Variants in PTPRD observed in about 807,000 individuals in gnomAD.
PTPRD encodes protein tyrosine phosphatase receptor type D, also known as receptor-type tyrosine-protein phosphatase delta.
In PTPRD, 34 loss-of-function variants were observed where a neutral mutation model predicts 214.5. That is an observed-to-expected ratio of 0.16 (90% CI 0.12 to 0.21). The LOEUF (loss-of-function observed/expected upper bound fraction) is 0.21. Among genes scored for constraint, PTPRD ranks in the 10% least tolerant of loss-of-function variants. PTPRD has a pLI of 1.00. For missense variants in PTPRD, 2,545 were observed against 2,398.7 expected (o/e 1.06, Z -1.27); for synonymous variants, 1,128 against 845.7 (o/e 1.33, Z -5.79).
intron 3 of PTPRD, among the ~76,000 whole-genome samples, chr9:10,121,142 A>T (rs1178796695): frequency 1.3e-5 from 2 of 152,168 alleles, no homozygotes; most frequent in Non-Finnish European, 1.5e-5. Context: ...CTTGTATAGT[A>T]TTGTGAATAA....
chr9:9,665,672 T>A (rs772281323), intron 7 of PTPRD, among the ~76,000 whole-genome samples: 6 of 151,842 alleles, frequency 4.0e-5, no homozygotes, highest in Non-Finnish European at 7.4e-5. Flanking sequence ...ACATGTAAGA[T>A]ACTCAGAATA....
chr9:10,533,885 C>T (rs1322692747), intron 2 of PTPRD, among the ~76,000 whole-genome samples: 1 of 151,646 alleles, frequency 6.6e-6, no homozygotes, highest in Non-Finnish European at 1.5e-5. Context: ...GAGCATATAA[C>T]TAGTTTCACC....
At chr9:10,172,502 C>T (rs962085889) in intron 3 of PTPRD, among the ~76,000 whole-genome samples, 1 of 152,222 alleles carries the variant, frequency 6.6e-6, no homozygotes, top group Non-Finnish European at 1.5e-5. Flanking sequence ...GTTCTAACAT[C>T]TAACCACTTT....
intron 2 of PTPRD, among the ~76,000 whole-genome samples, chr9:10,515,680 A>T (rs1373857906): frequency 6.6e-6 from 1 of 151,994 alleles, no homozygotes; most frequent in Non-Finnish European, 1.5e-5. Context: ...TTTCACAGCA[A>T]ATCTCTAGAA....
chr9:9,862,633 T>C (rs1168424547), intron 5 of PTPRD, among the ~76,000 whole-genome samples: 1 of 151,332 alleles, frequency 6.6e-6, no homozygotes, highest in African/African-American at 2.4e-5. Context: ...AGAAATGATT[T>C]GTATGTAGAA....
chr9:9,617,341 G>C (rs1256969805), intron 7 of PTPRD, among the ~76,000 whole-genome samples: 1 of 152,130 alleles, frequency 6.6e-6, no homozygotes, highest in Non-Finnish European at 1.5e-5. Context: ...GTTATGAAAA[G>C]ATAATGTACC....
At chr9:8,343,962 T>C (rs1038696873) in intron 39 of PTPRD, among the ~76,000 whole-genome samples, 3 of 152,084 alleles carry the variant, frequency 2.0e-5, no homozygotes, top group African/African-American at 7.2e-5. Flanking sequence ...AGGACTCCTC[T>C]GCATAGTGTT....
chr9:10,040,326 A>G (rs1346556281), intron 3 of PTPRD, among the ~76,000 whole-genome samples: 1 of 152,044 alleles, frequency 6.6e-6, no homozygotes, highest in Non-Finnish European at 1.5e-5. Context: ...ATGGATAGCC[A>G]TCCAGCACAT....
chr9:9,792,051 A>T (rs1468427097), intron 5 of PTPRD, among the ~76,000 whole-genome samples: 1 of 152,152 alleles, frequency 6.6e-6, no homozygotes, highest in African/African-American at 2.4e-5. Flanking sequence ...TTATAATCGA[A>T]TGGGACTCCA....
intron 11 of PTPRD, among the ~76,000 whole-genome samples, chr9:8,907,026 T>G (rs996719173): frequency 6.6e-6 from 1 of 152,022 alleles, no homozygotes; most frequent in Admixed American, 6.6e-5. Flanking sequence ...TGCCGAAATT[T>G]TGCATATGTT....
chr9:10,230,686 T>G (rs1466741729), intron 3 of PTPRD, among the ~76,000 whole-genome samples: 2 of 152,008 alleles, frequency 1.3e-5, no homozygotes, highest in African/African-American at 2.4e-5. Flanking sequence ...TCATCCAAGT[T>G]TTTTGCTTGT....
intron 9 of PTPRD, among the ~76,000 whole-genome samples, chr9:9,232,394 C>T (rs2099963658): frequency 6.6e-6 from 1 of 152,150 alleles, no homozygotes; most frequent in Admixed American, 6.5e-5. Flanking sequence ...ATTTCCATTT[C>T]AGCTAGTCAT....
intron 2 of PTPRD, among the ~76,000 whole-genome samples, chr9:10,591,032 G>A (rs2075311004): frequency 6.6e-6 from 1 of 151,920 alleles, no homozygotes; most frequent in Non-Finnish European, 1.5e-5. Context: ...GTCATACCTT[G>A]AGGGAAGGAC....
At chr9:8,708,704 A>AAAAAAC (rs748191308) in intron 12 of PTPRD, among the ~76,000 whole-genome samples, 3 of 123,670 alleles carry the variant, frequency 2.4e-5, no homozygotes, top group Non-Finnish European at 5.1e-5. Context: ...AAAAAAAAAA[A>AAAAAAC]CAGAGCTACC....
chr9:9,948,643 G>A (rs947461588), intron 4 of PTPRD, among the ~76,000 whole-genome samples: 1 of 151,946 alleles, frequency 6.6e-6, no homozygotes, highest in African/African-American at 2.4e-5. Context: ...AATTTTAAGG[G>A]TAAGTATGCA....
chr9:10,385,690 A>C (rs2097901961), intron 2 of PTPRD, among the ~76,000 whole-genome samples: 2 of 151,850 alleles, frequency 1.3e-5, no homozygotes, highest in African/African-American at 2.4e-5. Context: ...AATATAGATA[A>C]TATTTCACTT....
At chr9:8,343,644 C>T (rs1336703822) in intron 39 of PTPRD, among the ~76,000 whole-genome samples, 1 of 152,010 alleles carries the variant, frequency 6.6e-6, no homozygotes, top group Non-Finnish European at 1.5e-5. Context: ...TGGTTGCCCT[C>T]AAATACCCCT....
intron 3 of PTPRD, among the ~76,000 whole-genome samples, chr9:10,154,835 T>C (rs2099083557): frequency 6.6e-6 from 1 of 152,276 alleles, no homozygotes; most frequent in East Asian, 1.9e-4. Flanking sequence ...TACCATGCTG[T>C]TTTGTTTACT....
chr9:9,171,939 G>T (rs900066760), intron 10 of PTPRD, among the ~76,000 whole-genome samples: 1 of 152,022 alleles, frequency 6.6e-6, no homozygotes, highest in African/African-American at 2.4e-5. Flanking sequence ...GATAAGCTAG[G>T]CTGTTTATGA....
Sources: allele counts gnomAD v4.1 joint callset (sites outside exome capture counted in the v4.1 genomes callset), GRCh38; gene constraint gnomAD v4.1.1; transcripts MANE v1.5; gene names NCBI Gene and HGNC (gene_info 2026-07-23, HGNC 2026-07-21).